FBXL13: variants seen among roughly 807,000 people sequenced by gnomAD.
FBXL13 encodes F-box and leucine rich repeat protein 13, also known as F-box and leucine-rich repeat protein 13.
In FBXL13, 67 loss-of-function variants were observed where a neutral mutation model predicts 83.6. That is an observed-to-expected ratio of 0.80 (90% CI 0.66 to 0.98). The LOEUF is 0.98. FBXL13 is among the 50% of genes least tolerant of loss of function. The probability of loss-of-function intolerance (pLI) is 0.00; values close to 1 mark genes in which losing one functional copy is unlikely to be tolerated. For synonymous variants in FBXL13, 272 were observed against 299.5 expected (o/e 0.91, Z 0.95); for missense variants, 822 against 866.5 (o/e 0.95, Z 0.64).
At chr7:103,016,275 TG>T (rs1792300374) in intron 6 of FBXL13, among the ~76,000 whole-genome samples, 1 of 129,298 alleles carries the variant, frequency 7.7e-6, no homozygotes, top group African/African-American at 3.0e-5. Flanking sequence ...TATAAGGCTA[TG>T]GTAACCAAAA....
At chr7:102,935,242 CTTTTTTTTTTTTT>C (rs71106700) in intron 8 of FBXL13, among the ~76,000 whole-genome samples, 2 of 76,402 alleles carry the variant, frequency 2.6e-5, no homozygotes, top group Non-Finnish European at 4.5e-5. Context: ...TTTTTTCTTT[CTTTTTTTTTTTTT>C]TTTTTTTTTT....
chr7:103,036,805 C>A (rs1216455068), intron 2 of FBXL13, among the ~76,000 whole-genome samples: 1 of 152,200 alleles, frequency 6.6e-6, no homozygotes, highest in African/African-American at 2.4e-5. Context: ...AGCCACAGTG[C>A]CTGGCCCAAA....
chr7:103,061,457 G>C (rs1484128316), intron 1 of FBXL13, among the ~76,000 whole-genome samples: 1 of 152,120 alleles, frequency 6.6e-6, no homozygotes, highest in Non-Finnish European at 1.5e-5. Context: ...TGCCTGGCTG[G>C]GCTGAGGGAA....
intron 17 of FBXL13, among the ~76,000 whole-genome samples, chr7:102,834,119 AAAGAAAGAAAGAAAG>A (rs374434161): frequency 0.01 from 1,179 of 116,558 alleles, 17 homozygotes; most frequent in Middle Eastern, 0.018. Context: ...AGAAAGAAAG[AAAGAAAGAAAGAAAG>A]AAAGAAAAGA....
chr7:102,995,421 C>G (rs1368316789), intron 6 of FBXL13, among the ~76,000 whole-genome samples: 1 of 135,964 alleles, frequency 7.4e-6, no homozygotes, highest in African/African-American at 2.9e-5. Context: ...GCGGAGCTTG[C>G]AGTGAGCTGA....
chr7:103,024,775 T>A (rs1051668415), intron 6 of FBXL13, among the ~76,000 whole-genome samples: 1 of 144,074 alleles, frequency 6.9e-6, no homozygotes, highest in East Asian at 2.0e-4. Context: ...TCTAACTGAA[T>A]GCAATACATC....
intron 1 of FBXL13, among the ~76,000 whole-genome samples, chr7:103,064,885 C>T (rs1227858068): frequency 6.6e-6 from 1 of 152,198 alleles, no homozygotes; most frequent in Non-Finnish European, 1.5e-5. Flanking sequence ...ACCAAGCCTA[C>T]TGGTTCACAG....
Position 102,981,257 on chromosome 7 carries a change from T to A in FBXL13, c.496-13140A>T, listed in dbSNP as rs552030249. Among the ~76,000 whole-genome samples the A allele has an allele frequency of 3.3e-5, 5 of 152,326 alleles. 1 individual carries two copies. The highest frequency in any genetic ancestry group is 1.2e-4 in the African/African-American group (5 of 41,564). ...ATACAGAGAAAGAACAAATGACTTG[T>A]TTAAAAGGGTCCATTTTAATGTTCT... On this transcript the variant is annotated intron_variant, in intron 6 of 19. Coordinates refer to ENST00000313221, the Ensembl canonical transcript of FBXL13.
At chr7:103,008,086 T>A (rs373864203) in intron 6 of FBXL13, among the ~76,000 whole-genome samples, 6 of 152,184 alleles carry the variant, frequency 3.9e-5, no homozygotes, top group Admixed American at 3.3e-4. Flanking sequence ...CCTGTACCAC[T>A]GAGATGATGC....
chr7:102,857,718 AATC>A (rs1563003257), intron 16 of FBXL13: 1 of 152,128 alleles, frequency 6.6e-6, no homozygotes, highest in Non-Finnish European at 1.5e-5. Flanking sequence ...ATATATGAAA[AATC>A]ATCATCAGGG....
intron 19 of FBXL13, 148 bp from the exon 21 acceptor site, chr7:102,813,679 T>G: frequency 2.6e-6 from 2 of 755,544 alleles, no homozygotes; most frequent in South Asian, 3.7e-5. Flanking sequence ...AGTGAGGATA[T>G]GGGTAAGTGT....
intron 1 of FBXL13, among the ~76,000 whole-genome samples, chr7:103,066,460 C>T (rs1440474091): frequency 2.0e-5 from 3 of 151,592 alleles, no homozygotes; most frequent in Non-Finnish European, 4.4e-5. Context: ...GGTGCGATCT[C>T]GGCTCACTGC....
chr7:102,847,694 T>C (rs759003858), intron 17 of FBXL13, among the ~76,000 whole-genome samples: 11 of 151,906 alleles, frequency 7.2e-5, no homozygotes, highest in Non-Finnish European at 1.2e-4. Context: ...GCCTGGCTAA[T>C]TTTTTTGTAT....
rs1006207284 is a variant in FBXL13, at chr7:102,919,083, T to A, written c.879-5868A>T. The stretch of plus-strand genomic sequence containing the variant: ...AGCCAGCTTGCACAGCTCATGGGAG[T>A]TGATTGTTAGCATCTCTTCCCAACT... On this transcript the variant is annotated intron_variant, in intron 10 of 19. Transcript: ENST00000313221. 2.0e-5 allele frequency among the ~76,000 whole-genome samples: 3 copies of A among 152,066 alleles called. No homozygotes were observed. The East Asian group carries it at 5.8e-4, about 29-fold the overall frequency.
intron 6 of FBXL13, among the ~76,000 whole-genome samples, chr7:102,975,106 C>A (rs1172314943): frequency 1.3e-5 from 2 of 152,178 alleles, no homozygotes. Context: ...CACCCATACT[C>A]GCTCAGGCAC....
At chr7:102,937,933 C>T (rs1454635253) in intron 8 of FBXL13, among the ~76,000 whole-genome samples, 2 of 152,202 alleles carry the variant, frequency 1.3e-5, no homozygotes, top group African/African-American at 4.8e-5. Context: ...AGCTGACTTG[C>T]AATGAGTCAG....
chr7:102,820,916 C>T (rs1360288411), intron 19 of FBXL13, among the ~76,000 whole-genome samples: 1 of 152,226 alleles, frequency 6.6e-6, no homozygotes, highest in Non-Finnish European at 1.5e-5. Flanking sequence ...CACATTCAAA[C>T]CATAGCATCA....
intron 8 of FBXL13, among the ~76,000 whole-genome samples, chr7:102,949,965 G>T (rs1176188974): frequency 6.6e-6 from 1 of 152,120 alleles, no homozygotes; most frequent in Non-Finnish European, 1.5e-5. Flanking sequence ...AATTAGCCAG[G>T]CATGGTGGTG....
chr7:102,928,489 AAAC>A (rs1818545979), intron 9 of FBXL13, among the ~76,000 whole-genome samples: 1 of 152,200 alleles, frequency 6.6e-6, no homozygotes, highest in South Asian at 2.1e-4. Flanking sequence ...TCAAAGGGAA[AAAC>A]AATAGTAAAA....
Sources: allele counts gnomAD v4.1 joint callset (sites outside exome capture counted in the v4.1 genomes callset), GRCh38; gene constraint gnomAD v4.1.1; transcripts MANE v1.5; gene names NCBI Gene and HGNC (gene_info 2026-07-23, HGNC 2026-07-21).